Variants in WDR7 observed in about 807,000 individuals in gnomAD.
WDR7 encodes the protein WD repeat domain 7.
In WDR7, 46 loss-of-function variants were observed where a neutral mutation model predicts 169.4. That is an observed-to-expected ratio of 0.27 (90% CI 0.21 to 0.35). The LOEUF (loss-of-function observed/expected upper bound fraction) is 0.35. Among genes scored for constraint, WDR7 ranks in the 10% least tolerant of loss-of-function variants. The pLI, the probability that WDR7 is intolerant of heterozygous loss-of-function variation, is 1.00. For missense variants in WDR7, 1,534 were observed against 1,859.3 expected (o/e 0.83, Z 3.22); for synonymous variants, 612 against 666.8 (o/e 0.92, Z 1.27).
At chr18:56,910,154 T>G (rs2046533562) in intron 21 of WDR7, among the ~76,000 whole-genome samples, 1 of 152,168 alleles carries the variant, frequency 6.6e-6, no homozygotes, top group Non-Finnish European at 1.5e-5. Context: ...AAAAGAAAAT[T>G]GCATAAAAGT....
At chr18:56,893,583 G>A (rs1194380262) in intron 21 of WDR7, among the ~76,000 whole-genome samples, 3 of 152,072 alleles carry the variant, frequency 2.0e-5, no homozygotes, top group African/African-American at 7.2e-5. Flanking sequence ...CCTTTAGCCT[G>A]TGTGTCAAAC....
intron 12 of WDR7, among the ~76,000 whole-genome samples, chr18:56,716,258 A>G (rs1413477282): frequency 6.6e-6 from 1 of 152,178 alleles, no homozygotes; most frequent in Non-Finnish European, 1.5e-5. Flanking sequence ...GAAAATAAGT[A>G]AGCTTAAAAC....
intron 1 of WDR7, among the ~76,000 whole-genome samples, chr18:56,669,908 T>C (rs993285637): frequency 6.6e-6 from 1 of 152,226 alleles, no homozygotes; most frequent in Non-Finnish European, 1.5e-5. Context: ...GTTTATTAAC[T>C]AATACATAGA....
intron 13 of WDR7, among the ~76,000 whole-genome samples, chr18:56,718,824 T>C (rs1170291702): frequency 1.3e-5 from 2 of 152,238 alleles, no homozygotes; most frequent in Non-Finnish European, 2.9e-5. Flanking sequence ...TATTAAAGTC[T>C]TTCTTTTAAT....
At chr18:56,953,779 A>T (rs1362292107) in intron 25 of WDR7, among the ~76,000 whole-genome samples, 8 of 152,246 alleles carry the variant, frequency 5.3e-5, no homozygotes, top group Non-Finnish European at 1.0e-4. Flanking sequence ...GTTTTCAAAG[A>T]TGAGTAGATG....
intron 21 of WDR7, among the ~76,000 whole-genome samples, chr18:56,898,168 A>C (rs551945666): frequency 6.6e-6 from 1 of 152,182 alleles, no homozygotes; most frequent in African/African-American, 2.4e-5. Flanking sequence ...TCTAATAGCC[A>C]AAACTGGAAC....
chr18:56,757,423 G>T, intron 15 of WDR7, 71 bp downstream of exon 15: 1 of 1,413,984 alleles, frequency 7.1e-7, no homozygotes, highest in Non-Finnish European at 9.4e-7. Context: ...TTTCATTGTT[G>T]ATTACTCTTT....
In WDR7 at chr18:56,860,732, G is replaced by A. The variant is rs148528474; in HGVS notation, c.3305-19212G>A. Among the ~76,000 whole-genome samples, 134 of 152,156 alleles carry A rather than the reference G, an allele frequency of 8.8e-4. 1 individual carries two copies. Among genetic ancestry groups the A allele is most frequent in the African/African-American group, 2.9e-3 (121 of 41,542 alleles). The stretch of plus-strand genomic sequence containing the variant: ...TGTCTTTATTAAAATGATGTATTTG[G>A]TGTTCTTTTTCTTCACACAATTAAT... On this transcript the variant is annotated intron_variant, in intron 20 of 27. Coordinates refer to ENST00000254442, the MANE Select transcript of WDR7 (RefSeq NM_015285.3).
chr18:56,739,876 A>ATTTTTTT (rs58692081), intron 14 of WDR7, among the ~76,000 whole-genome samples: 2 of 138,080 alleles, frequency 1.4e-5, no homozygotes, highest in Non-Finnish European at 3.1e-5. Flanking sequence ...CCTAGATGTG[A>ATTTTTTT]TTTTTTTTTT....
chr18:56,700,466 A>T (rs2025803413), intron 12 of WDR7, among the ~76,000 whole-genome samples: 2 of 151,348 alleles, frequency 1.3e-5, no homozygotes, highest in South Asian at 4.2e-4. Flanking sequence ...CATGTTGGCC[A>T]GGATGGTCTC....
intron 26 of WDR7, among the ~76,000 whole-genome samples, chr18:56,967,856 T>G (rs2047432638): frequency 6.6e-6 from 1 of 152,232 alleles, no homozygotes; most frequent in South Asian, 2.1e-4. Context: ...CTAGATTACT[T>G]GTAACATCTA....
At chr18:56,781,474 A>G (rs367953736) in intron 18 of WDR7, 59 bp from the exon 19 acceptor site, 1 of 1,405,042 alleles carries the variant, frequency 7.1e-7, no homozygotes, top group African/African-American at 1.5e-5. Context: ...CTAGTTTATG[A>G]ATATTCACCT....
intron 5 of WDR7, among the ~76,000 whole-genome samples, chr18:56,685,519 C>G (rs1598960376): frequency 6.6e-6 from 1 of 152,188 alleles, no homozygotes; most frequent in African/African-American, 2.4e-5. Context: ...TGATCACACT[C>G]TGGGGAGGGT....
intron 20 of WDR7, among the ~76,000 whole-genome samples, chr18:56,838,753 A>T (rs2045433799): frequency 6.6e-6 from 1 of 152,202 alleles, no homozygotes. Flanking sequence ...AAGGAGCTTA[A>T]GCTAAGTGGG....
At chr18:56,894,708 G>A (rs964438281) in intron 21 of WDR7, among the ~76,000 whole-genome samples, 3 of 152,072 alleles carry the variant, frequency 2.0e-5, no homozygotes, top group Admixed American at 2.0e-4. Context: ...AGCAACGACT[G>A]AAGTAATGAG....
chr18:56,788,448 G>A (rs1599044028), intron 19 of WDR7, among the ~76,000 whole-genome samples: 2 of 152,032 alleles, frequency 1.3e-5, no homozygotes, highest in Admixed American at 6.6e-5. Flanking sequence ...TGTTTCTAGT[G>A]TTGTAGGGGT....
intron 19 of WDR7, among the ~76,000 whole-genome samples, chr18:56,782,982 T>G (rs1718526265): frequency 6.6e-6 from 1 of 152,178 alleles, no homozygotes; most frequent in African/African-American, 2.4e-5. Flanking sequence ...ATAATACTTT[T>G]GTTAAATACT....
chr18:56,767,433 A>G (rs2044085037), intron 16 of WDR7, among the ~76,000 whole-genome samples: 1 of 152,158 alleles, frequency 6.6e-6, no homozygotes, highest in Admixed American at 6.5e-5. Context: ...TTCTCCATGT[A>G]GCTTCACCTA....
Position 56,923,957 on chromosome 18 carries a change from A to G in WDR7, c.3562A>G (p.Ser1188Gly). ...ALTFLLLQPP[S>G]PKLPPHSTIR... ...GACGTTTCTTCTGCTACAGCCTCCA[A>G]GCCCCAAACTTCCTCCACACAGCAC... The change falls in exon 22 of 28, where the codon AGC becomes GGC. Residue 1188 changes from serine to glycine, a missense_variant. Physicochemically the swap from Ser to Gly is moderately conservative, Grantham distance 56 (BLOSUM62 0). Transcript: ENST00000254442. The G allele has an allele frequency of 6.3e-7, 1 of 1,581,738 alleles. No homozygotes were observed. The highest frequency in any genetic ancestry group is 8.6e-7 in the Non-Finnish European group (1 of 1,168,272).
Sources: gnomAD v4.1 joint callset for allele counts (sites outside exome capture counted in the v4.1 genomes callset) on GRCh38, gnomAD v4.1.1 for gene constraint, MANE v1.5 for transcripts, NCBI Gene and HGNC (gene_info 2026-07-23, HGNC 2026-07-21) for gene names.